FBXO9: variants seen among roughly 807,000 people sequenced by gnomAD.
The protein encoded by FBXO9 is F-box protein 9.
FBXO9 carries 43 observed loss-of-function variants against 63.7 expected under a neutral mutation model. The ratio of observed to expected loss-of-function variants is 0.67; its 90% CI spans 0.53 to 0.87. The LOEUF (loss-of-function observed/expected upper bound fraction) is 0.87, where lower values mean the gene tolerates loss of function less well. Ranked by LOEUF, FBXO9 falls within the 40% of genes least tolerant of loss-of-function variation. The pLI is 0.00. For missense variants in FBXO9, 442 were observed against 533.2 expected (o/e 0.83, Z 1.68); for synonymous variants, 156 against 171.7 (o/e 0.91, Z 0.72).
At chr6:53,076,355 A>T in intron 3 of FBXO9, 131 bp from the exon 4 acceptor site, 1 of 619,164 alleles carries the variant, frequency 1.6e-6, no homozygotes, top group Non-Finnish European at 2.8e-6. Flanking sequence ...TATGAGGTTT[A>T]GGTCAAGGTT....
intron 7 of FBXO9, among the ~76,000 whole-genome samples, chr6:53,084,284 G>T (rs1437459669): frequency 6.6e-6 from 1 of 152,070 alleles, no homozygotes; most frequent in Admixed American, 6.5e-5. Context: ...TGTGTACATG[G>T]GTCTCAACTT....
intron 7 of FBXO9, among the ~76,000 whole-genome samples, chr6:53,085,844 G>A (rs554582266): frequency 3.9e-5 from 6 of 152,070 alleles, no homozygotes; most frequent in Non-Finnish European, 4.4e-5. Context: ...CTTTCCAGGA[G>A]CCCAACTAGA....
At chr6:53,074,242 G>T (rs2127489226) in intron 3 of FBXO9, among the ~76,000 whole-genome samples, 1 of 151,962 alleles carries the variant, frequency 6.6e-6, no homozygotes, top group South Asian at 2.1e-4. Flanking sequence ...CTTCCATAGA[G>T]GCTGCCATCT....
intron 11 of FBXO9, 84 bp downstream of exon 11, chr6:53,094,062 A>G (rs1763132388): frequency 1.5e-5 from 11 of 729,234 alleles, no homozygotes; most frequent in Admixed American, 3.4e-5. Context: ...AACAACAAAA[A>G]AAACCCTTTC....
intron 5 of FBXO9, among the ~76,000 whole-genome samples, chr6:53,079,610 A>T (rs1769240685): frequency 6.6e-6 from 1 of 152,164 alleles, no homozygotes; most frequent in Non-Finnish European, 1.5e-5. Flanking sequence ...GCTTAATTGC[A>T]CTATCTCCCA....
chr6:53,077,270 C>G (rs921176776), intron 4 of FBXO9, among the ~76,000 whole-genome samples: 3 of 151,644 alleles, frequency 2.0e-5, no homozygotes, highest in African/African-American at 7.3e-5. Context: ...GTCAGGAGAT[C>G]GAGACCATCC....
rs1337208913 is a variant in FBXO9 at position 53,082,500 on chromosome 6, G to A, written c.539-4G>A. 6.2e-7 allele frequency: 1 copy of A among 1,603,000 alleles called. No homozygotes were observed. The highest frequency in any genetic ancestry group is 8.5e-7 in the Non-Finnish European group (1 of 1,171,396). Reference sequence around the variant, plus strand: ...AGTCACTGAAGGATGATTTTCTTTTGCAGTGCTGCCAATGGAGGTCCTGAT... The same window carrying A: ...AGTCACTGAAGGATGATTTTCTTTTACAGTGCTGCCAATGGAGGTCCTGAT... On this transcript the variant is annotated splice_polypyrimidine_tract_variant and splice_region_variant and intron_variant, in intron 6 of 12. Transcript: ENST00000323557.
chr6:53,065,561 C>A lies in FBXO9; in HGVS notation c.-229C>A. ...CTCCCCGAGTCCCCGGCAGCCGCCG[C>A]CACCCCAGCGCGCCCCGATCTGGCC... On this transcript the variant is annotated 5_prime_UTR_variant, in exon 1 of 13. Transcript: ENST00000323557. 2.3e-6 allele frequency: 1 copy of A among 436,128 alleles called. No individual in the cohort carries two copies. The highest frequency in any genetic ancestry group is 3.9e-6 in the Non-Finnish European group (1 of 259,184). The allele number at this position is 436,128 out of a possible 1,614,324, so 27.0% of individuals were successfully genotyped here.
rs1224538415 is a variant in FBXO9 at position 53,100,732 on chromosome 6, CCACAT to C, written c.*2903_*2907del. 1 of 152,132 alleles carries C rather than the reference CCACAT, an allele frequency of 6.6e-6. No homozygotes were observed. The highest frequency in any genetic ancestry group is 2.4e-5 in the African/African-American group (1 of 41,430). 9.4% of individuals were successfully genotyped at this position (152,132 alleles called of 1,614,324 possible). The stretch of plus-strand genomic sequence containing the variant: ...AGAATGCTTTGTAAGCTTTCTCTCC[CCACAT>C]AAGAATGCCCTGTAAGCATTTTGTT... On this transcript the variant is annotated 3_prime_UTR_variant, in exon 13 of 13. Transcript: ENST00000323557.
In FBXO9 at chr6:53,071,149, T is replaced by C. The variant is rs1768902111; in HGVS notation, c.90+6T>C. The C allele has an allele frequency of 1.3e-6, 2 of 1,551,838 alleles. No homozygotes were observed. The highest frequency in any genetic ancestry group is 2.4e-5 in the South Asian group (2 of 84,096). The stretch of plus-strand genomic sequence containing the variant: ...CTGCTGAAACAGATCTGCAGGCATG[T>C]TTCTTCAATTGTGTCTTTGATTTTT... On this transcript the variant is annotated splice_donor_region_variant and intron_variant, in intron 2 of 12. Transcript: ENST00000323557.
In FBXO9 at chr6:53,092,831, C is replaced by T; in HGVS notation, c.863+7C>T. 1.3e-6 allele frequency: 2 copies of T among 1,557,716 alleles called. No individual in the cohort carries two copies. The highest frequency in any genetic ancestry group is 1.8e-6 in the Non-Finnish European group (2 of 1,136,378). On this transcript the variant is annotated splice_region_variant and intron_variant, in intron 9 of 12. Coordinates refer to ENST00000323557, the MANE Select transcript of FBXO9 (RefSeq NM_033480.3). ...ACCAAGTGGAATATTACAGGTACAA[C>T]TGTAGTACACTGAGTGAGTGGAAAA...
chr6:53,077,244 G>A (rs149594), intron 4 of FBXO9, among the ~76,000 whole-genome samples: 2 of 151,974 alleles, frequency 1.3e-5, no homozygotes, highest in Admixed American at 6.6e-5. Flanking sequence ...GGAGGCCGAG[G>A]CGGGCGGATC....
chr6:53,078,919 A>G (rs2127492375), intron 5 of FBXO9, 21 bp downstream of exon 5: 1 of 1,538,400 alleles, frequency 6.5e-7, no homozygotes. Context: ...AATTTGATAG[A>G]TAGTAATGCA....
Position 53,071,126 on chromosome 6 carries a change from G to T in FBXO9, c.73G>T (p.Ala25Ser), listed in dbSNP as rs909754677. 3 of 1,562,668 alleles carry T rather than the reference G, an allele frequency of 1.9e-6. No homozygotes were observed. Among genetic ancestry groups the T allele is most frequent in the Middle Eastern group, 1.7e-4 (1 of 6,028 alleles). Residue 25 changes from alanine to serine, a missense_variant, in exon 2 of 13, where the codon GCT becomes TCT. This residue lies in a region of FBXO9 where 180 missense variants were observed against 171.1 expected (regional missense o/e 1.05). Transcript: ENST00000323557. ...TGATGATGAAGAAAATGAAAGTCCTGCTGAAACAGATCTGCAGGCATGTTT... is the reference window on the plus strand; with the variant it reads ...TGATGATGAAGAAAATGAAAGTCCTTCTGAAACAGATCTGCAGGCATGTTT... ...ADDDEENESP[A>S]ETDLQAQLQM...
At chr6:53,080,523 T>C (rs1252264552) in intron 5 of FBXO9, among the ~76,000 whole-genome samples, 1 of 152,172 alleles carries the variant, frequency 6.6e-6, no homozygotes, top group Non-Finnish European at 1.5e-5. Flanking sequence ...TTTTCCTCTC[T>C]AAAGGTAGGC....
intron 1 of FBXO9, chr6:53,066,039 G>A: frequency 1.6e-6 from 2 of 1,225,134 alleles, no homozygotes; most frequent in South Asian, 4.1e-5. Context: ...GATGTGAGGA[G>A]GAGGGTTTGC....
In FBXO9 at chr6:53,071,786, A is replaced by G. The variant is rs557924969; in HGVS notation, c.90+643A>G. Among the ~76,000 whole-genome samples, 10 of 152,352 alleles carry G rather than the reference A, an allele frequency of 6.6e-5. No individual in the cohort carries two copies. In the South Asian group the frequency reaches 1.7e-3, roughly 25 times the overall value. On this transcript the variant is annotated intron_variant, in intron 2 of 12. Coordinates refer to ENST00000323557, the MANE Select transcript of FBXO9 (RefSeq NM_033480.3). ...ATATGGATCAAAATGAAAAACATGC[A>G]TTCCCTTGATACAGCAATTCTACTT...
At chr6:53,095,809 C>T (rs1044570771) in intron 12 of FBXO9, 145 bp downstream of exon 12, 18 of 745,322 alleles carry the variant, frequency 2.4e-5, no homozygotes, top group Non-Finnish European at 3.2e-5. Flanking sequence ...CTACTACAAA[C>T]CAAGAAAATG....
Position 53,095,665 on chromosome 6 carries a change from G to T in FBXO9, c.1205+1G>T, listed in dbSNP as rs1312532571. 6.2e-7 allele frequency: 1 copy of T among 1,603,608 alleles called. No individual in the cohort carries two copies. The highest frequency in any genetic ancestry group is 1.3e-5 in the African/African-American group (1 of 74,532). On this transcript the variant is annotated splice_donor_variant, in intron 12 of 12. Coordinates refer to ENST00000323557, the MANE Select transcript of FBXO9 (RefSeq NM_033480.3). LOFTEE classifies it high-confidence loss of function. Reference sequence around the variant, plus strand: ...ATCATTCTTGTCACATTACTTACAAGTAGGTGAATGCAATAAAAATAACAA... The same window carrying T: ...ATCATTCTTGTCACATTACTTACAATTAGGTGAATGCAATAAAAATAACAA...
Sources: allele counts gnomAD v4.1 joint callset (sites outside exome capture counted in the v4.1 genomes callset), GRCh38; gene constraint gnomAD v4.1.1; regional missense constraint gnomAD v4.1.1; transcripts MANE v1.5; gene names NCBI Gene and HGNC (gene_info 2026-07-23, HGNC 2026-07-21).